TG: variants seen among roughly 807,000 people sequenced by gnomAD.
TG encodes the protein thyroglobulin.
In TG, 270 loss-of-function variants were observed where a neutral mutation model predicts 324.7. The ratio of observed to expected loss-of-function variants is 0.83; its 90% CI spans 0.75 to 0.92. The LOEUF is 0.92. Among genes scored for constraint, TG ranks in the 40% least tolerant of loss-of-function variants. The probability of loss-of-function intolerance (pLI) is 0.00; values close to 1 mark genes in which losing one functional copy is unlikely to be tolerated. For missense variants in TG, 3,591 were observed against 3,456.4 expected (o/e 1.04, Z -0.98); for synonymous variants, 1,401 against 1,327.0 (o/e 1.06, Z -1.21).
chr8:133,020,500 G>A (rs529980684), intron 39 of TG, among the ~76,000 whole-genome samples: 2 of 152,218 alleles, frequency 1.3e-5, no homozygotes, highest in South Asian at 2.1e-4. Context: ...AAGATGAGTC[G>A]GGCACTTTTA....
chr8:132,898,732 C>T, intron 13 of TG, 66 bp from the exon 14 acceptor site: 1 of 1,449,228 alleles, frequency 6.9e-7, no homozygotes. Flanking sequence ...GTGGGGTCAG[C>T]CTGGGATCCC....
intron 10 of TG, among the ~76,000 whole-genome samples, chr8:132,893,008 G>GGT (rs199585572): frequency 7.5e-5 from 11 of 145,726 alleles, no homozygotes; most frequent in South Asian, 2.2e-4. Context: ...GTATGTGGGT[G>GGT]GTGTGTGTGT....
At chr8:132,994,467 G>A (rs1320048077) in intron 35 of TG, among the ~76,000 whole-genome samples, 1 of 152,196 alleles carries the variant, frequency 6.6e-6, no homozygotes, top group Non-Finnish European at 1.5e-5. Context: ...ATAGCTGACA[G>A]TGAATGGGAC....
chr8:132,974,178 G>A (rs1230428621), intron 34 of TG, among the ~76,000 whole-genome samples: 4 of 151,956 alleles, frequency 2.6e-5, no homozygotes, highest in Non-Finnish European at 5.9e-5. Flanking sequence ...ATTTTCAGTA[G>A]AGATGGGATT....
At chr8:133,039,682 A>G (rs1371102060) in intron 41 of TG, among the ~76,000 whole-genome samples, 1 of 152,206 alleles carries the variant, frequency 6.6e-6, no homozygotes, top group Non-Finnish European at 1.5e-5. Context: ...CTAGGATCCT[A>G]ACAATTAGAA....
At chr8:133,043,479 ATG>A (rs1334538294) in intron 41 of TG, among the ~76,000 whole-genome samples, 1 of 152,170 alleles carries the variant, frequency 6.6e-6, no homozygotes, top group Admixed American at 6.5e-5. Flanking sequence ...CACAAGTAAT[ATG>A]TGTTATCATT....
chr8:133,100,262 GC>G (rs1406337428), intron 43 of TG, among the ~76,000 whole-genome samples: 2 of 152,114 alleles, frequency 1.3e-5, no homozygotes, highest in Non-Finnish European at 2.9e-5. Context: ...GAAAGACCTT[GC>G]TTGACCACTT....
rs1447372002 is a variant in TG at position 132,897,926 on chromosome 8, G to C, written c.3139+140G>C. Reference sequence around the variant, plus strand: ...CTGGTGAAAAATTCCTTAGCTTCTCGGGCCTCCAGTTATCTCACTTGTGTA... The same window carrying C: ...CTGGTGAAAAATTCCTTAGCTTCTCCGGCCTCCAGTTATCTCACTTGTGTA... On this transcript the variant is annotated intron_variant, in intron 12 of 47. Transcript: ENST00000220616. 4 of 1,091,170 alleles carry C rather than the reference G, an allele frequency of 3.7e-6. No individual in the cohort carries two copies. In the East Asian group the frequency reaches 1.0e-4, roughly 28 times the overall value. The allele number at this position is 1,091,170 out of a possible 1,614,324, so 67.6% of individuals were successfully genotyped here. A position where few individuals can be genotyped will look rare whatever the true frequency, so the allele number is the denominator to read the frequency against.
At chr8:132,910,382 T>C (rs2687830) in intron 18 of TG, among the ~76,000 whole-genome samples, 62,409 of 152,040 alleles carry the variant, frequency 0.41, 15,595 homozygotes, top group Admixed American at 0.54. Flanking sequence ...CTCCAGTCAC[T>C]CTCTAGGCAC....
chr8:132,899,296 C>T (rs1162386171), intron 14 of TG, among the ~76,000 whole-genome samples: 1 of 152,234 alleles, frequency 6.6e-6, no homozygotes, highest in East Asian at 1.9e-4. Flanking sequence ...ACACAGAGGA[C>T]ACCAGCTTCT....
rs202227846 is a variant in TG at position 133,011,913 on chromosome 8, C to T, written c.6275C>T (p.Ser2092Leu). ...CCTTCTCTCCTAGTGTCTCTGGACT[C>T]GTGGCAGTCCCTGGCCCTCTCTTCA... is the stretch of plus-strand genomic sequence containing the variant. ...PSLTEKVSLD[S>L]WQSLALSSVV... Residue 2092 changes from serine (S) to leucine (L), a missense_variant, in exon 36 of 48, where the codon TCG (serine) becomes TTG (leucine). By Grantham distance (145) the Ser-to-Leu change is moderately radical. Coordinates refer to ENST00000220616, the MANE Select transcript of TG (RefSeq NM_003235.5). 1.0e-4 allele frequency: 165 copies of T among 1,614,054 alleles called. 1 individual carries two copies. Among genetic ancestry groups the T allele is most frequent in the Admixed American group, 7.8e-4 (47 of 60,008 alleles).
chr8:132,919,547 T>G (rs970019783), intron 21 of TG, 22 bp downstream of exon 21: 5 of 1,613,188 alleles, frequency 3.1e-6, no homozygotes, highest in Non-Finnish European at 4.2e-6. Flanking sequence ...GGAGTGCTTC[T>G]TTGAAAGAAA....
Position 132,969,548 on chromosome 8 carries a change from C to A in TG, c.5954C>A (p.Ser1985Tyr). Residue 1985 changes from serine (S) to tyrosine (Y), a missense_variant, in exon 32 of 48, where the codon TCT becomes TAT. Transcript: ENST00000220616. ...GISIRNKVPM[S>Y]EKSISNGFFE... ...TCCATTAGAAATAAAGTGCCCATGT[C>A]TGAAAAATCTATTTCTAATGGGTAA... is the stretch of plus-strand genomic sequence containing the variant. The A allele has an allele frequency of 2.5e-6, 4 of 1,611,744 alleles. No homozygotes were observed. Among genetic ancestry groups the A allele is most frequent in the Middle Eastern group, 1.7e-4 (1 of 6,054 alleles).
intron 41 of TG, among the ~76,000 whole-genome samples, chr8:133,066,682 C>G (rs1843083536): frequency 6.6e-6 from 1 of 152,230 alleles, no homozygotes; most frequent in South Asian, 2.1e-4. Context: ...CAGCTCCCAA[C>G]CTACTGGCTG....
At chr8:133,067,809 AAAGG>A (rs139216271) in intron 41 of TG, among the ~76,000 whole-genome samples, 16,384 of 149,878 alleles carry the variant, frequency 0.11, 1,061 homozygotes, top group Non-Finnish European at 0.15. Context: ...AGAAAGAAAG[AAAGG>A]AAGGAAGGAA....
At chr8:132,896,133 C>T (rs529618710) in intron 11 of TG, among the ~76,000 whole-genome samples, 4 of 152,368 alleles carry the variant, frequency 2.6e-5, no homozygotes, top group African/African-American at 9.6e-5. Flanking sequence ...TGTTTAACAC[C>T]TATCAGCTCC....
intron 22 of TG, among the ~76,000 whole-genome samples, chr8:132,928,377 T>A (rs1220002732): frequency 6.6e-6 from 1 of 152,222 alleles, no homozygotes; most frequent in Non-Finnish European, 1.5e-5. Flanking sequence ...TCTTGGGAAT[T>A]TGTGGCTTGG....
chr8:133,092,297 C>G (rs941471284), intron 41 of TG, among the ~76,000 whole-genome samples: 1 of 152,188 alleles, frequency 6.6e-6, no homozygotes, highest in African/African-American at 2.4e-5. Context: ...TTACCATGTT[C>G]GGAGGCCCGA....
intron 41 of TG, among the ~76,000 whole-genome samples, chr8:133,055,084 G>C (rs978852914): frequency 6.6e-6 from 1 of 152,066 alleles, no homozygotes; most frequent in Non-Finnish European, 1.5e-5. Context: ...CAAAGCCCAG[G>C]GTCCTTCACG....
Sources: gnomAD v4.1 joint callset for allele counts (sites outside exome capture counted in the v4.1 genomes callset) on GRCh38, gnomAD v4.1.1 for gene constraint, MANE v1.5 for transcripts, NCBI Gene and HGNC (gene_info 2026-07-23, HGNC 2026-07-21) for gene names.